Variants in DOK5 observed in about 807,000 individuals in gnomAD.
DOK5 encodes downstream of tyrosine kinase 5.
A neutral mutation model predicts 43.3 loss-of-function variants in DOK5; 27 were observed. That is an observed-to-expected ratio of 0.62 (90% CI 0.46 to 0.86). The LOEUF (loss-of-function observed/expected upper bound fraction) is 0.86. Among genes scored for constraint, DOK5 ranks in the 40% least tolerant of loss-of-function variants. The pLI, the probability that DOK5 is intolerant of heterozygous loss-of-function variation, is 0.00. For missense variants in DOK5, 373 were observed against 392.9 expected (o/e 0.95, Z 0.43); for synonymous variants, 146 against 140.1 (o/e 1.04, Z -0.30).
At position 54,591,782 on chromosome 20, in the gene DOK5, G is replaced by C. The variant is rs760518434; in HGVS notation, c.576G>C (p.Thr192=). The C allele has an allele frequency of 1.2e-6, 2 of 1,612,726 alleles. No individual in the cohort carries two copies. The highest frequency in any genetic ancestry group is 3.3e-5 in the Admixed American group (2 of 59,724). ...TGCGGCGGTATGGACGTGATACTAC[G>C]TGGTTCACTTTTGAGGCAGGGAGGT... ...SALRRYGRDT[T]WFTFEAGRMC... is the part of the protein sequence containing the mutation. Residue 192 remains threonine (T), a synonymous_variant, in exon 5 of 8, where the codon ACG becomes ACC. Coordinates refer to ENST00000262593, the MANE Select transcript of DOK5 (RefSeq NM_018431.5).
chr20:54,562,794 G>C (rs1401375030), intron 2 of DOK5, among the ~76,000 whole-genome samples: 1 of 152,036 alleles, frequency 6.6e-6, no homozygotes, highest in African/African-American at 2.4e-5. Flanking sequence ...AAATGGTATT[G>C]AAGCGCTTAT....
chr20:54,521,648 T>C (rs557281289), intron 1 of DOK5, among the ~76,000 whole-genome samples: 1 of 152,322 alleles, frequency 6.6e-6, no homozygotes, highest in East Asian at 1.9e-4. Flanking sequence ...GATCTTGTCA[T>C]CTAGGTGCTT....
intron 1 of DOK5, among the ~76,000 whole-genome samples, chr20:54,487,590 G>A (rs1003092603): frequency 2.6e-5 from 4 of 152,120 alleles, no homozygotes; most frequent in Non-Finnish European, 5.9e-5. Context: ...GTGGGAAACT[G>A]CAGACCAGTG....
intron 1 of DOK5, among the ~76,000 whole-genome samples, chr20:54,549,064 T>A (rs1984437875): frequency 6.6e-6 from 1 of 152,232 alleles, no homozygotes; most frequent in South Asian, 2.1e-4. Flanking sequence ...CCATCTCAGA[T>A]GCCCGCATCG....
At chr20:54,631,102 G>T (rs982091580) in intron 6 of DOK5, among the ~76,000 whole-genome samples, 1 of 152,142 alleles carries the variant, frequency 6.6e-6, no homozygotes, top group Admixed American at 6.5e-5. Context: ...CAGTATTTAG[G>T]AATGTTAGGA....
chr20:54,603,362 A>T (rs2146784117), intron 5 of DOK5, among the ~76,000 whole-genome samples: 1 of 152,368 alleles, frequency 6.6e-6, no homozygotes, highest in Non-Finnish European at 1.5e-5. Context: ...TCTTAAGCTG[A>T]GATCAACCAG....
intron 6 of DOK5, among the ~76,000 whole-genome samples, chr20:54,628,192 C>T (rs1978385480): frequency 6.6e-6 from 1 of 152,024 alleles, no homozygotes; most frequent in Non-Finnish European, 1.5e-5. Context: ...TGATTATGTT[C>T]TCTCATTGGA....
intron 1 of DOK5, among the ~76,000 whole-genome samples, chr20:54,489,901 T>A (rs1033978548): frequency 6.6e-6 from 1 of 152,218 alleles, no homozygotes; most frequent in Non-Finnish European, 1.5e-5. Flanking sequence ...TTCATGAAAG[T>A]TGCTTTGGAG....
At chr20:54,620,320 C>T (rs1292160683) in intron 6 of DOK5, among the ~76,000 whole-genome samples, 1 of 152,152 alleles carries the variant, frequency 6.6e-6, no homozygotes, top group Non-Finnish European at 1.5e-5. Flanking sequence ...CTCACTGCAA[C>T]CCCCGCCTCC....
rs1172972910 is a variant in DOK5, at chr20:54,475,661, T to C, written c.-286T>C. On this transcript the variant is annotated 5_prime_UTR_variant, in exon 1 of 8. Transcript: ENST00000262593. This position sits in a 1 kb window ranked among gnomAD's most constrained non-coding sequence, Gnocchi z 4.2. ...CCTCAGCCGCCGCCGCTCCTCCTCC[T>C]GGCAGGCCGGCCGCGGAGTCAGCTG... 3 of 508,608 alleles carry C rather than the reference T, an allele frequency of 5.9e-6. No homozygotes were observed. The highest frequency in any genetic ancestry group is 2.0e-5 in the African/African-American group (1 of 49,982). 31.5% of individuals were successfully genotyped at this position (508,608 alleles called of 1,614,324 possible). A position where few individuals can be genotyped will look rare whatever the true frequency, so the allele number is the denominator to read the frequency against.
intron 1 of DOK5, among the ~76,000 whole-genome samples, chr20:54,515,425 T>C (rs1168116980): frequency 6.6e-6 from 1 of 152,224 alleles, no homozygotes; most frequent in Non-Finnish European, 1.5e-5. Flanking sequence ...CACCATTTAT[T>C]TTCCTGAGTC....
intron 1 of DOK5, among the ~76,000 whole-genome samples, chr20:54,537,243 G>T (rs540959334): frequency 6.6e-6 from 1 of 152,294 alleles, no homozygotes; most frequent in Non-Finnish European, 1.5e-5. Flanking sequence ...TCCTGTTGTA[G>T]CAACATTAGA....
Position 54,586,190 on chromosome 20 carries a change from T to C in DOK5, c.175-2293T>C, listed in dbSNP as rs191779301. ...GTTGGCATCAGTATGATTGTTTTCA[T>C]TGATTCAGCCCTTCAGTAAGTCATT... is the stretch of plus-strand genomic sequence containing the variant. On this transcript the variant is annotated intron_variant, in intron 2 of 7. Coordinates refer to ENST00000262593, the MANE Select transcript of DOK5 (RefSeq NM_018431.5). Among the ~76,000 whole-genome samples the C allele has an allele frequency of 5.7e-3, 868 of 152,334 alleles. 8 individuals carry two copies. Among genetic ancestry groups the C allele is most frequent in the South Asian group, 0.022 (106 of 4,826 alleles).
At chr20:54,570,818 A>G (rs934568424) in intron 2 of DOK5, among the ~76,000 whole-genome samples, 13 of 152,252 alleles carry the variant, frequency 8.5e-5, no homozygotes, top group African/African-American at 3.1e-4. Flanking sequence ...AAATTTCAAC[A>G]GTTTCCCGTC....
intron 1 of DOK5, among the ~76,000 whole-genome samples, chr20:54,483,932 T>C (rs142910471): frequency 0.012 from 1,835 of 152,286 alleles, 38 homozygotes; most frequent in African/African-American, 0.042. Context: ...CTGGTTGTCT[T>C]GTGTTCTTAA....
intron 2 of DOK5, among the ~76,000 whole-genome samples, chr20:54,570,954 G>C (rs530243969): frequency 2.0e-5 from 3 of 152,096 alleles, no homozygotes; most frequent in Non-Finnish European, 4.4e-5. Context: ...GTTAATTGTT[G>C]GCTGTTAAAC....
At chr20:54,622,410 TA>T (rs1382392219) in intron 6 of DOK5, among the ~76,000 whole-genome samples, 1 of 152,148 alleles carries the variant, frequency 6.6e-6, no homozygotes, top group Non-Finnish European at 1.5e-5. Context: ...CAGTCTCTTA[TA>T]ACAACGTAAT....
At chr20:54,596,712 A>T (rs1480967806) in intron 5 of DOK5, among the ~76,000 whole-genome samples, 2 of 152,250 alleles carry the variant, frequency 1.3e-5, no homozygotes, top group African/African-American at 4.8e-5. Flanking sequence ...CACCTGGAAT[A>T]GTGCCTGAAT....
intron 1 of DOK5, among the ~76,000 whole-genome samples, chr20:54,512,788 C>T (rs1046537743): frequency 3.3e-5 from 5 of 152,128 alleles, no homozygotes; most frequent in African/African-American, 1.2e-4. Context: ...TCTGGGGAAG[C>T]CCATCACCAG....
Sources: gnomAD v4.1 joint callset for allele counts (sites outside exome capture counted in the v4.1 genomes callset) on GRCh38, gnomAD v4.1.1 for gene constraint, Gnocchi (gnomAD v3.1) non-coding constraint, MANE v1.5 for transcripts, NCBI Gene and HGNC (gene_info 2026-07-23, HGNC 2026-07-21) for gene names.